The following RBFOX2 variants were observed in gnomAD, a reference collection of about 807,000 sequenced individuals.
RBFOX2 encodes RNA binding fox-1 homolog 2, also known as RNA binding protein fox-1 homolog 2.
A neutral mutation model predicts 49.1 loss-of-function variants in RBFOX2; 10 were observed. The ratio of observed to expected loss-of-function variants is 0.20; its 90% CI spans 0.13 to 0.35. The LOEUF is 0.35. RBFOX2 is among the 10% of genes least tolerant of loss of function. RBFOX2 has a pLI of 1.00. For synonymous variants in RBFOX2, 183 were observed against 187.4 expected, an observed-to-expected ratio of 0.98 and a Z score of 0.19; for missense variants, 323 against 486.9, an observed-to-expected ratio of 0.66 and a Z score of 3.17.
At chr22:36,015,462 G>A (rs1317385894) in intron 1 of RBFOX2, among the ~76,000 whole-genome samples, 1 of 152,194 alleles carries the variant, frequency 6.6e-6, no homozygotes, top group African/African-American at 2.4e-5. Flanking sequence ...AACCCACTGT[G>A]CCAGCCACTA....
At chr22:35,974,046 A>C (rs1484990837) in intron 1 of RBFOX2, among the ~76,000 whole-genome samples, 1 of 152,186 alleles carries the variant, frequency 6.6e-6, no homozygotes, top group Non-Finnish European at 1.5e-5. Flanking sequence ...TGCCTATAAG[A>C]GATCTGGCCC....
intron 1 of RBFOX2, among the ~76,000 whole-genome samples, chr22:35,848,357 C>T (rs555390990): frequency 6.6e-6 from 1 of 152,228 alleles, no homozygotes; most frequent in East Asian, 1.9e-4. Context: ...ATATAAAATA[C>T]TCTTAATTTG....
intron 1 of RBFOX2, chr22:35,898,418 C>T (rs1374086819): frequency 5.3e-6 from 2 of 377,328 alleles, no homozygotes; most frequent in Non-Finnish European, 9.6e-6. Context: ...CTCCCACAAT[C>T]CTTTTTTTTT....
At chr22:35,745,926 A>G in exon 11 of RBFOX2, 1 of 1,612,374 alleles carries the variant, frequency 6.2e-7, no homozygotes, top group Non-Finnish European at 8.5e-7. Context: ...TACTTACCAC[A>G]GCGCCAACTC....
intron 1 of RBFOX2, among the ~76,000 whole-genome samples, chr22:35,981,211 A>G (rs957696712): frequency 6.6e-6 from 1 of 152,222 alleles, no homozygotes; most frequent in African/African-American, 2.4e-5. Flanking sequence ...AAAAATATGC[A>G]GAGCAACTGT....
In RBFOX2 at chr22:36,025,547, G is replaced by A. The variant is rs531718779; in HGVS notation, c.186+2693C>T. On this transcript the variant is annotated intron_variant, in intron 1 of 13. Transcript: ENST00000438146. ...TTATATCTCTTAGGGTTAAAACAGT[G>A]CCTGGGATGTAGCAGCTGCTTAATA... 7.9e-5 allele frequency among the ~76,000 whole-genome samples: 12 copies of A among 152,264 alleles called. No homozygotes were observed. The South Asian group carries it at 2.5e-3, about 32-fold the overall frequency.
Position 35,756,150 on chromosome 22 carries a change from G to A in RBFOX2, c.887+3738C>T. On this transcript the variant is annotated intron_variant, in intron 9 of 11. Coordinates refer to ENST00000405409, the Ensembl canonical transcript of RBFOX2. ...ATCCGTCCTGGTAAACCACACTGCA[G>A]AAAATCCACACAAAAACAAAAACAA... The A allele has an allele frequency of 6.7e-7, 1 of 1,497,168 alleles. No homozygotes were observed. The allele number at this position is 1,497,168 out of a possible 1,614,324, so 92.7% of individuals were successfully genotyped here. A position where few individuals can be genotyped will look rare whatever the true frequency, so the allele number is the denominator to read the frequency against.
intron 1 of RBFOX2, among the ~76,000 whole-genome samples, chr22:35,855,977 A>G (rs2042466459): frequency 6.6e-6 from 1 of 151,836 alleles, no homozygotes; most frequent in Non-Finnish European, 1.5e-5. Flanking sequence ...ACTGAACTCG[A>G]GCCTAGGAGA....
At chr22:35,802,725 G>A (rs1950003367) in intron 2 of RBFOX2, among the ~76,000 whole-genome samples, 1 of 152,166 alleles carries the variant, frequency 6.6e-6, no homozygotes, top group Admixed American at 6.5e-5. Context: ...TCTGAAGAGG[G>A]TGCAGTGGAA....
At chr22:35,814,578 G>A (rs1952581957) in intron 1 of RBFOX2, among the ~76,000 whole-genome samples, 1 of 151,476 alleles carries the variant, frequency 6.6e-6, no homozygotes, top group Admixed American at 6.6e-5. Context: ...GGGCATGGTA[G>A]CATGTGCCTG....
exon 1 of RBFOX2, chr22:36,028,335 G>C: frequency 1.3e-6 from 2 of 1,496,986 alleles, no homozygotes; most frequent in Non-Finnish European, 8.9e-7. Context: ...CCGGGCACCG[G>C]CAGCTCCAGC....
intron 11 of RBFOX2, among the ~76,000 whole-genome samples, chr22:35,744,480 C>T (rs370130770): frequency 1.8e-4 from 27 of 152,002 alleles, no homozygotes; most frequent in African/African-American, 4.8e-4. Flanking sequence ...GAGAGTATGA[C>T]GACATTTTAT....
chr22:35,923,610 T>A (rs1208097595), intron 1 of RBFOX2, among the ~76,000 whole-genome samples: 1 of 152,152 alleles, frequency 6.6e-6, no homozygotes, highest in East Asian at 1.9e-4. Flanking sequence ...ATTGGTTTTT[T>A]TTAAAAAGCC....
intron 1 of RBFOX2, among the ~76,000 whole-genome samples, chr22:35,907,217 G>A (rs1370009981): frequency 1.3e-5 from 2 of 152,110 alleles, no homozygotes; most frequent in African/African-American, 2.4e-5. Flanking sequence ...TACTGTACAC[G>A]CTTCCCCAGA....
intron 1 of RBFOX2, among the ~76,000 whole-genome samples, chr22:35,961,210 A>G (rs1246152495): frequency 1.3e-5 from 2 of 152,188 alleles, no homozygotes; most frequent in Admixed American, 6.5e-5. Context: ...AGCACCATAA[A>G]AGGTATTGTA....
chr22:35,799,129 C>T (rs1268138329), intron 2 of RBFOX2, among the ~76,000 whole-genome samples: 8 of 152,120 alleles, frequency 5.3e-5, no homozygotes, highest in Admixed American at 4.6e-4. Flanking sequence ...ATTTCCTACC[C>T]TTAAGAATAA....
At chr22:35,865,014 A>G (rs1823804240) in intron 1 of RBFOX2, among the ~76,000 whole-genome samples, 1 of 152,266 alleles carries the variant, frequency 6.6e-6, no homozygotes, top group Admixed American at 6.5e-5. Context: ...TCCTTGCAAT[A>G]CTAATGCTAC....
intron 1 of RBFOX2, among the ~76,000 whole-genome samples, chr22:35,951,678 T>C (rs1026162551): frequency 3.3e-5 from 5 of 152,346 alleles, no homozygotes; most frequent in South Asian, 2.1e-4. Context: ...ACAGACATTA[T>C]GCCTAGTGTT....
chr22:35,958,427 G>A (rs2055834423), intron 1 of RBFOX2, among the ~76,000 whole-genome samples: 1 of 152,166 alleles, frequency 6.6e-6, no homozygotes, highest in Non-Finnish European at 1.5e-5. Context: ...TATGCTTTGA[G>A]TTCACAATCC....
Sources: allele counts gnomAD v4.1 joint callset (sites outside exome capture counted in the v4.1 genomes callset), GRCh38; gene constraint gnomAD v4.1.1; transcripts MANE v1.5; gene names NCBI Gene and HGNC (gene_info 2026-07-23, HGNC 2026-07-21).